Variants in SULF2 observed in about 807,000 individuals in gnomAD.
The protein encoded by SULF2 is extracellular sulfatase Sulf-2.
In SULF2, 52 loss-of-function variants were observed where a neutral mutation model predicts 107.7. The ratio of observed to expected loss-of-function variants is 0.48; its 90% confidence interval spans 0.39 to 0.61. SULF2 has a LOEUF of 0.61. SULF2 is among the 20% of genes least tolerant of loss of function. The pLI, the probability that SULF2 is intolerant of heterozygous loss-of-function variation, is 0.00. For synonymous variants in SULF2, 460 were observed against 464.3 expected (o/e 0.99, Z 0.12); for missense variants, 993 against 1,177.3 (o/e 0.84, Z 2.29).
At chr20:47,687,226 C>A (rs1388736183) in intron 5 of SULF2, among the ~76,000 whole-genome samples, 1 of 152,098 alleles carries the variant, frequency 6.6e-6, no homozygotes, top group African/African-American at 2.4e-5. Flanking sequence ...GAGAAGGACA[C>A]TGAGGCCAGA....
chr20:47,760,839 C>T (rs115856823), intron 1 of SULF2, among the ~76,000 whole-genome samples: 105 of 152,326 alleles, frequency 6.9e-4, no homozygotes, highest in African/African-American at 2.4e-3. Flanking sequence ...CCTTCCTTCT[C>T]AATCTCTCGT....
At chr20:47,724,891 G>A (rs981805314) in intron 3 of SULF2, among the ~76,000 whole-genome samples, 2 of 152,104 alleles carry the variant, frequency 1.3e-5, no homozygotes, top group African/African-American at 4.8e-5. Flanking sequence ...GAGCGCCCTT[G>A]TTTTCTTGAA....
At chr20:47,706,344 G>A (rs1333850434) in intron 3 of SULF2, among the ~76,000 whole-genome samples, 1 of 152,112 alleles carries the variant, frequency 6.6e-6, no homozygotes, top group Non-Finnish European at 1.5e-5. Flanking sequence ...CCTCCTCCGA[G>A]GGGGACAATA....
chr20:47,686,368 C>T (rs2088004609), intron 5 of SULF2: 1 of 152,296 alleles, frequency 6.6e-6, no homozygotes, highest in Non-Finnish European at 1.5e-5. Context: ...CTCCGAGCTA[C>T]TGAAAACCGC....
rs2090320396 is a variant in SULF2, at chr20:47,757,412, A to C, written c.-49T>G. On this transcript the variant is annotated 5_prime_UTR_variant, in exon 2 of 21. Coordinates refer to ENST00000688720, the MANE Select transcript of SULF2 (RefSeq NM_001387048.1). ...CTTCTTTTGGGATGCGGGAGTCTCA[A>C]GTTGCGTCTGTGGCTTTGTTTCTTT... 3 of 1,518,290 alleles carry C rather than the reference A, an allele frequency of 2.0e-6. No homozygotes were observed. Among genetic ancestry groups the C allele is most frequent in the Middle Eastern group, 3.5e-4 (2 of 5,784 alleles). 94.1% of individuals were successfully genotyped at this position (1,518,290 alleles called of 1,614,324 possible).
intron 1 of SULF2, among the ~76,000 whole-genome samples, chr20:47,782,402 A>G (rs868684901): frequency 6.6e-6 from 1 of 152,204 alleles, no homozygotes; most frequent in South Asian, 2.1e-4. Context: ...CGGCTGGGCC[A>G]GGGCTGTCTG....
At chr20:47,710,299 A>C (rs2088884911) in intron 3 of SULF2, among the ~76,000 whole-genome samples, 1 of 149,410 alleles carries the variant, frequency 6.7e-6, no homozygotes. Context: ...TGGCCTCCCA[A>C]GGTGCTGGGA....
At chr20:47,782,144 C>G (rs940120396) in intron 1 of SULF2, among the ~76,000 whole-genome samples, 2 of 152,178 alleles carry the variant, frequency 1.3e-5, no homozygotes, top group Non-Finnish European at 1.5e-5. Flanking sequence ...CCATTTGCAA[C>G]TTGCACACAG....
intron 10 of SULF2, among the ~76,000 whole-genome samples, chr20:47,673,626 G>A (rs1029715211): frequency 7.2e-5 from 11 of 152,028 alleles, no homozygotes; most frequent in Admixed American, 5.2e-4. Context: ...CATTCACAGC[G>A]CCCTGCCACC....
intron 2 of SULF2, among the ~76,000 whole-genome samples, chr20:47,745,428 T>C (rs1370986735): frequency 1.8e-4 from 1 of 5,694 alleles, no homozygotes; most frequent in African/African-American, 6.6e-4. Flanking sequence ...TATATATATA[T>C]ATATATATAT....
intron 3 of SULF2, among the ~76,000 whole-genome samples, chr20:47,703,733 A>G (rs2088641248): frequency 6.6e-6 from 1 of 152,264 alleles, no homozygotes; most frequent in African/African-American, 2.4e-5. Context: ...CATTTGTAAT[A>G]GTAAATAGGT....
chr20:47,670,002 A>G (rs999147675), intron 11 of SULF2, among the ~76,000 whole-genome samples: 2 of 152,172 alleles, frequency 1.3e-5, no homozygotes, highest in African/African-American at 4.8e-5. Context: ...GAGGAAATGT[A>G]ACGGAGGGTC....
chr20:47,683,478 C>T (rs1401052548), intron 6 of SULF2, among the ~76,000 whole-genome samples: 1 of 152,226 alleles, frequency 6.6e-6, no homozygotes, highest in Admixed American at 6.5e-5. Context: ...TCATTTTGTT[C>T]CCTGCCTGCT....
Position 47,785,475 on chromosome 20 carries a change from C to CGCTGCT in SULF2, c.-239_-234dup, listed in dbSNP as rs1308145427. On this transcript the variant is annotated 5_prime_UTR_variant, in exon 1 of 21. Coordinates refer to ENST00000688720, the MANE Select transcript of SULF2 (RefSeq NM_001387048.1). ...CTGCCGCCGCCGCCGCCGCCGCTGC[C>CGCTGCT]GCTGCTGCATCCCCCGGCGAGCGCT... 1.9e-5 allele frequency: 3 copies of CGCTGCT among 159,680 alleles called. No homozygotes were observed. The highest frequency in any genetic ancestry group is 7.4e-5 in the African/African-American group (3 of 40,636). The allele number at this position is 159,680 out of a possible 1,614,324, so 9.9% of individuals were successfully genotyped here. A position where few individuals can be genotyped will look rare whatever the true frequency, so the allele number is the denominator to read the frequency against.
rs751270085 is a variant in SULF2, at chr20:47,663,542, C to T, written c.2138G>A (p.Arg713His). 11 of 1,612,794 alleles carry T rather than the reference C, an allele frequency of 6.8e-6. No homozygotes were observed. The highest frequency in any genetic ancestry group is 3.3e-5 in the South Asian group (3 of 91,088). Residue 713 changes from arginine to histidine, a missense_variant, in exon 16 of 21, where the codon CGC becomes CAC. Coordinates refer to ENST00000688720, the MANE Select transcript of SULF2 (RefSeq NM_001387048.1). ...RKKKLRKLLK[R>H]LQNNDTCSMP... The stretch of plus-strand genomic sequence containing the variant: ...GCTGCACGTGTCGTTGTTCTGCAGG[C>T]GCTTGAGCAGCTTGCGGAGTTTCTT...
At chr20:47,658,967 A>T (rs1042148996) in intron 20 of SULF2, among the ~76,000 whole-genome samples, 1 of 152,232 alleles carries the variant, frequency 6.6e-6, no homozygotes, top group Non-Finnish European at 1.5e-5. Flanking sequence ...ACAGGTTGCC[A>T]GTCTCTTAGT....
At position 47,775,923 on chromosome 20, in the gene SULF2, G is replaced by T. The variant is rs115306475; in HGVS notation, c.-101+9420C>A. On this transcript the variant is annotated intron_variant, in intron 1 of 20. Transcript: ENST00000688720. ...AGGGACACTTGCAATGTCCCTGGAA[G>T]TGTAGCCATTGGGTACAAAGTGTCA... is the stretch of plus-strand genomic sequence containing the variant. Among the ~76,000 whole-genome samples the T allele has an allele frequency of 3.8e-3, 581 of 152,302 alleles. 3 individuals carry two copies. The highest frequency in any genetic ancestry group is 0.013 in the African/African-American group (549 of 41,560).
At chr20:47,735,789 A>G (rs936143063) in intron 3 of SULF2, among the ~76,000 whole-genome samples, 2 of 152,154 alleles carry the variant, frequency 1.3e-5, no homozygotes, top group African/African-American at 4.8e-5. Flanking sequence ...GCCAGCCCAC[A>G]CTGTGTATCT....
intron 2 of SULF2, among the ~76,000 whole-genome samples, chr20:47,752,235 T>C (rs1230169972): frequency 6.6e-6 from 1 of 152,070 alleles, no homozygotes; most frequent in Non-Finnish European, 1.5e-5. Context: ...CTGTCACACA[T>C]ATGACAGGTG....
Sources: allele counts gnomAD v4.1 joint callset (sites outside exome capture counted in the v4.1 genomes callset), GRCh38; gene constraint gnomAD v4.1.1; transcripts MANE v1.5; gene names NCBI Gene and HGNC (gene_info 2026-07-23, HGNC 2026-07-21).